The following PDE1C variants were observed in gnomAD, a reference collection of about 807,000 sequenced individuals.
PDE1C encodes phosphodiesterase 1C.
A neutral mutation model predicts 93.1 loss-of-function variants in PDE1C; 62 were observed. The observed-to-expected ratio is 0.67, with a 90% CI of 0.54 to 0.82. The LOEUF (loss-of-function observed/expected upper bound fraction) is 0.82. Among genes scored for constraint, PDE1C ranks in the 40% least tolerant of loss-of-function variants. PDE1C has a pLI of 0.00. For missense variants in PDE1C, 742 were observed against 884.6 expected (o/e 0.84, Z 2.04); for synonymous variants, 325 against 310.1 (o/e 1.05, Z -0.50).
intron 2 of PDE1C, among the ~76,000 whole-genome samples, chr7:32,025,892 T>G (rs1031157345): frequency 2.8e-4 from 43 of 152,204 alleles, no homozygotes; most frequent in African/African-American, 1.0e-3. Context: ...AGCTGTGCCT[T>G]TTCAGGCCAA....
chr7:31,893,615 T>A, intron 2 of PDE1C: 2 of 447,922 alleles, frequency 4.5e-6, no homozygotes, highest in Non-Finnish European at 5.9e-6. Flanking sequence ...ATCGCTCAGG[T>A]AGTGACACAA....
intron 1 of PDE1C, among the ~76,000 whole-genome samples, chr7:32,264,372 G>A (rs1362585021): frequency 2.6e-5 from 4 of 152,142 alleles, no homozygotes; most frequent in Non-Finnish European, 5.9e-5. Context: ...CTTTGAGGTA[G>A]GTATTCTTAT....
At chr7:32,079,921 G>T (rs11766946) in intron 3 of PDE1C, among the ~76,000 whole-genome samples, 12,126 of 152,142 alleles carry the variant, frequency 0.08, 565 homozygotes, top group African/African-American at 0.11. Context: ...ACAGATACTT[G>T]CAGCCATCTT....
chr7:31,981,452 G>T (rs1401193821), intron 2 of PDE1C, among the ~76,000 whole-genome samples: 1 of 152,106 alleles, frequency 6.6e-6, no homozygotes, highest in Non-Finnish European at 1.5e-5. Flanking sequence ...GTGTGTTAAT[G>T]AAATTTCAAC....
intron 15 of PDE1C, among the ~76,000 whole-genome samples, chr7:31,813,661 A>T (rs1787841013): frequency 6.6e-6 from 1 of 151,890 alleles, no homozygotes; most frequent in Admixed American, 6.6e-5. Flanking sequence ...TATTTTTTTT[A>T]ATTTTTATTT....
At chr7:32,099,540 C>CT in intron 3 of PDE1C, among the ~76,000 whole-genome samples, 1 of 152,258 alleles carries the variant, frequency 6.6e-6, no homozygotes, top group Admixed American at 6.5e-5. Context: ...TGTACAAGTC[C>CT]TTGTACATTA....
chr7:31,702,678 T>TA, the PDE1C span, among the ~76,000 whole-genome samples: 1 of 152,250 alleles, frequency 6.6e-6, no homozygotes, highest in South Asian at 2.1e-4. Flanking sequence ...TAAATTGACT[T>TA]ACATCAACAA....
At chr7:31,954,240 G>A (rs1006312649) in intron 2 of PDE1C, among the ~76,000 whole-genome samples, 1 of 152,118 alleles carries the variant, frequency 6.6e-6, no homozygotes, top group Non-Finnish European at 1.5e-5. Flanking sequence ...GTGTCACTTC[G>A]GGACCAAGAA....
At chr7:31,640,082 A>G in the PDE1C span, among the ~76,000 whole-genome samples, 2 of 152,228 alleles carry the variant, frequency 1.3e-5, no homozygotes. Context: ...ACTTGGAAAC[A>G]GTTTAAGTCT....
intron 2 of PDE1C, among the ~76,000 whole-genome samples, chr7:31,995,557 A>G (rs1424196651): frequency 6.6e-6 from 1 of 152,114 alleles, no homozygotes; most frequent in Non-Finnish European, 1.5e-5. Flanking sequence ...CTATTTTTGC[A>G]TCAAGTTTTT....
At chr7:31,873,083 C>T (rs1291356297) in intron 6 of PDE1C, among the ~76,000 whole-genome samples, 3 of 152,144 alleles carry the variant, frequency 2.0e-5, no homozygotes, top group African/African-American at 7.2e-5. Flanking sequence ...TCTCCTGTCT[C>T]TCCCATGCCG....
In PDE1C at chr7:32,020,679, G is replaced by A. The variant is rs139542945; in HGVS notation, c.128+30875C>T. ...AAGCACACTAGAGCCTCAAATCCTG[G>A]TAAGTTGCACAATGAGATAAACTGT... On this transcript the variant is annotated intron_variant, in intron 2 of 17. Coordinates refer to ENST00000396191, the MANE Select transcript of PDE1C (RefSeq NM_001191057.4). Among the ~76,000 whole-genome samples, 84 of 152,118 alleles carry A rather than the reference G, an allele frequency of 5.5e-4. 1 individual carries two copies. The highest frequency in any genetic ancestry group is 1.9e-3 in the African/African-American group (79 of 41,510).
chr7:31,950,906 A>G (rs1473017621), intron 2 of PDE1C, among the ~76,000 whole-genome samples: 1 of 152,182 alleles, frequency 6.6e-6, no homozygotes, highest in Non-Finnish European at 1.5e-5. Context: ...CTGCCATGAT[A>G]AAATACCATA....
intron 1 of PDE1C, among the ~76,000 whole-genome samples, chr7:32,364,521 C>T (rs1784193494): frequency 6.6e-6 from 1 of 152,196 alleles, no homozygotes; most frequent in Non-Finnish European, 1.5e-5. Flanking sequence ...AGAAGATCCC[C>T]ACCAGCCCCA....
chr7:32,338,028 C>T (rs1193226713), intron 1 of PDE1C, among the ~76,000 whole-genome samples: 2 of 152,114 alleles, frequency 1.3e-5, no homozygotes, highest in Non-Finnish European at 1.5e-5. Flanking sequence ...GAAGAAAACA[C>T]AGGAGAAAAG....
At chr7:32,358,497 T>A (rs1227182974) in intron 1 of PDE1C, among the ~76,000 whole-genome samples, 1 of 152,140 alleles carries the variant, frequency 6.6e-6, no homozygotes, top group Non-Finnish European at 1.5e-5. Context: ...CAGAGCTCTA[T>A]AAAGAACTCT....
upstream of PDE1C, chr7:32,071,529 A>G: frequency 1.8e-6 from 1 of 570,450 alleles, no homozygotes; most frequent in Non-Finnish European, 2.2e-6. Context: ...TCTTGTGCGG[A>G]AGAAAAGGAG....
chr7:31,945,999 T>C (rs60376319), intron 2 of PDE1C, among the ~76,000 whole-genome samples: 10,231 of 152,254 alleles, frequency 0.067, 594 homozygotes, highest in African/African-American at 0.16. Context: ...ACTGTATTCT[T>C]TATTTCTAGC....
upstream of PDE1C, chr7:32,071,507 C>G: frequency 6.6e-6 from 5 of 753,360 alleles, no homozygotes; most frequent in Non-Finnish European, 8.1e-6. Flanking sequence ...CCCCCCCACC[C>G]CCATCTCTCT....
Sources: allele counts gnomAD v4.1 joint callset (sites outside exome capture counted in the v4.1 genomes callset), GRCh38; gene constraint gnomAD v4.1.1; transcripts MANE v1.5; gene names NCBI Gene and HGNC (gene_info 2026-07-23, HGNC 2026-07-21).